Variants in ARMC2 observed in about 807,000 individuals in gnomAD.
ARMC2 encodes the protein armadillo repeat containing 2.
Under a neutral mutation model 90.3 loss-of-function variants are expected in ARMC2, and 67 were observed. That is an observed-to-expected ratio of 0.74 (90% confidence interval 0.61 to 0.91). ARMC2 has a LOEUF of 0.91. Ranked by LOEUF, ARMC2 falls within the 40% of genes least tolerant of loss-of-function variation. The probability of loss-of-function intolerance (pLI) is 0.00; values close to 1 mark genes in which losing one functional copy is unlikely to be tolerated. For synonymous variants in ARMC2, 393 were observed against 393.0 expected (o/e 1.00, Z 0.00); for missense variants, 920 against 1,030.9 (o/e 0.89, Z 1.47).
At chr6:108,964,381 G>A (rs1189940129) in intron 16 of ARMC2, 69 bp downstream of exon 16, 40 of 1,542,806 alleles carry the variant, frequency 2.6e-5, no homozygotes, top group Admixed American at 5.6e-5. Flanking sequence ...GGGAGCTTTG[G>A]CCCTTTCATC....
intron 8 of ARMC2, 63 bp from the exon 9 acceptor site, chr6:108,910,835 AT>A (rs1160350985): frequency 2.2e-4 from 175 of 790,492 alleles, no homozygotes; most frequent in Non-Finnish European, 2.4e-4. Flanking sequence ...GATGTGGTTT[AT>A]TTTTTTTAAT....
chr6:108,876,624 A>G (rs1228889936), intron 5 of ARMC2, among the ~76,000 whole-genome samples: 1 of 152,222 alleles, frequency 6.6e-6, no homozygotes, highest in Non-Finnish European at 1.5e-5. Flanking sequence ...GGACTATTCC[A>G]GCCATCCCTT....
chr6:108,858,841 A>G (rs1471591138), intron 3 of ARMC2, among the ~76,000 whole-genome samples: 2 of 152,154 alleles, frequency 1.3e-5, no homozygotes, highest in South Asian at 2.1e-4. Flanking sequence ...AGACTTCCCA[A>G]TGCCACACTG....
chr6:109,011,522 T>C, the ARMC2 span, among the ~76,000 whole-genome samples: 4 of 152,192 alleles, frequency 2.6e-5, no homozygotes, highest in African/African-American at 9.6e-5. Context: ...TTCTCTGCTA[T>C]AGAGCACTAG....
At chr6:108,941,027 C>T (rs370010998) in intron 12 of ARMC2, among the ~76,000 whole-genome samples, 28 of 152,216 alleles carry the variant, frequency 1.8e-4, no homozygotes, top group East Asian at 5.8e-4. Flanking sequence ...AAGGCTAAGG[C>T]GGGAGGATTG....
intron 3 of ARMC2, among the ~76,000 whole-genome samples, chr6:108,866,982 C>T (rs143709093): frequency 2.6e-5 from 4 of 151,986 alleles, no homozygotes; most frequent in Non-Finnish European, 5.9e-5. Context: ...TGGGATTATG[C>T]GTCATACGTG....
chr6:108,979,940 T>C, the ARMC2 span, among the ~76,000 whole-genome samples: 5 of 152,074 alleles, frequency 3.3e-5, no homozygotes, highest in Non-Finnish European at 7.4e-5. Flanking sequence ...TAGAACATGC[T>C]CCTTTAGCTC....
At chr6:109,009,214 C>G in the ARMC2 span, 13 of 838,686 alleles carry the variant, frequency 1.6e-5, no homozygotes, top group Non-Finnish European at 2.1e-5. Flanking sequence ...TCCCCGGGAG[C>G]CCGCCCTATC....
chr6:109,037,681 A>G, the ARMC2 span, among the ~76,000 whole-genome samples: 1 of 152,176 alleles, frequency 6.6e-6, no homozygotes, highest in African/African-American at 2.4e-5. Flanking sequence ...TATTTATCAT[A>G]TTATAGTTTT....
the ARMC2 span, chr6:109,001,209 T>A: frequency 3.4e-6 from 4 of 1,162,316 alleles, no homozygotes; most frequent in Non-Finnish European, 5.0e-6. Flanking sequence ...TATTTATCCC[T>A]GTGTTTAAAG....
chr6:108,898,625 A>G (rs1424267520), intron 6 of ARMC2, among the ~76,000 whole-genome samples: 1 of 152,196 alleles, frequency 6.6e-6, no homozygotes, highest in Non-Finnish European at 1.5e-5. Flanking sequence ...TATGAGTTAC[A>G]TTTCCCCCCA....
the ARMC2 span, chr6:109,008,703 T>C: frequency 1.2e-6 from 1 of 855,606 alleles, no homozygotes; most frequent in Non-Finnish European, 1.4e-6. Flanking sequence ...AATGGTTTCC[T>C]ATTTGCAACC....
At chr6:108,855,592 G>T (rs34530660) in intron 2 of ARMC2, among the ~76,000 whole-genome samples, 39,656 of 152,118 alleles carry the variant, frequency 0.26, 6,480 homozygotes, top group Non-Finnish European at 0.35. Context: ...GAGCATGATT[G>T]CTGGATCATA....
At chr6:109,048,032 A>G in the ARMC2 span, among the ~76,000 whole-genome samples, 1 of 149,450 alleles carries the variant, frequency 6.7e-6, no homozygotes. Context: ...CCTTCCCTCC[A>G]CTATTGTCCC....
At chr6:108,981,921 C>T in the ARMC2 span, among the ~76,000 whole-genome samples, 1 of 152,156 alleles carries the variant, frequency 6.6e-6, no homozygotes, top group Non-Finnish European at 1.5e-5. Flanking sequence ...CCTGCCTCAG[C>T]CTCCCAAAGT....
At chr6:108,852,668 T>G (rs942256346) in intron 1 of ARMC2, among the ~76,000 whole-genome samples, 7 of 152,216 alleles carry the variant, frequency 4.6e-5, no homozygotes, top group African/African-American at 1.7e-4. Context: ...TCTCTAATCT[T>G]TATTAGATTT....
At chr6:108,880,045 A>G in intron 5 of ARMC2, 1 of 420,448 alleles carries the variant, frequency 2.4e-6, no homozygotes, top group Non-Finnish European at 4.7e-6. Flanking sequence ...GGTTAAAGGC[A>G]CAAAGGCATT....
In ARMC2 at chr6:108,956,637, G is replaced by A. The variant is rs972742345; in HGVS notation, c.1915+3286G>A. Among the ~76,000 whole-genome samples the A allele has an allele frequency of 3.3e-5, 5 of 152,106 alleles. No individual in the cohort carries two copies. The East Asian group carries it at 7.7e-4, about 24-fold the overall frequency. On this transcript the variant is annotated intron_variant, in intron 13 of 17. Coordinates refer to ENST00000392644, the MANE Select transcript of ARMC2 (RefSeq NM_032131.6). ...AATTACCTGAGCCCAGGAAGTCAAGGCTGCAGTGAGCCATGCTTACACCAC... is the reference window on the plus strand; with the variant it reads ...AATTACCTGAGCCCAGGAAGTCAAGACTGCAGTGAGCCATGCTTACACCAC...
At chr6:108,961,937 G>A in intron 14 of ARMC2, 77 bp from the exon 15 acceptor site, 1 of 1,078,048 alleles carries the variant, frequency 9.3e-7, no homozygotes, top group South Asian at 1.5e-5. Flanking sequence ...TCAGTATTAA[G>A]TATGATGTTG....
Sources: allele counts gnomAD v4.1 joint callset (sites outside exome capture counted in the v4.1 genomes callset), GRCh38; gene constraint gnomAD v4.1.1; transcripts MANE v1.5; gene names NCBI Gene and HGNC (gene_info 2026-07-23, HGNC 2026-07-21).